Variants in FHOD3 observed in about 807,000 individuals in gnomAD.
FHOD3 encodes the protein formin homology 2 domain containing 3.
In FHOD3, 90 loss-of-function variants were observed where a neutral mutation model predicts 173.0. The ratio of observed to expected loss-of-function variants is 0.52; its 90% CI spans 0.44 to 0.62. FHOD3 has a LOEUF of 0.62. Among genes scored for constraint, FHOD3 ranks in the 20% least tolerant of loss-of-function variants. FHOD3 has a pLI of 0.00. For missense variants in FHOD3, 1,945 were observed against 2,034.7 expected (o/e 0.96, Z 0.85); for synonymous variants, 828 against 823.0 (o/e 1.01, Z -0.10).
chr18:36,592,604 C>G (rs987932578), intron 6 of FHOD3, among the ~76,000 whole-genome samples: 12 of 152,340 alleles, frequency 7.9e-5, no homozygotes, highest in Admixed American at 3.3e-4. Context: ...AGTGTTCACT[C>G]TGGCTGCGGT....
intron 9 of FHOD3, among the ~76,000 whole-genome samples, chr18:36,618,394 C>T (rs1428080385): frequency 2.7e-5 from 4 of 146,498 alleles, no homozygotes; most frequent in African/African-American, 7.7e-5. Context: ...CTCACCACAA[C>T]CTCCGCCTCC....
At chr18:36,479,695 G>C (rs970621187) in intron 3 of FHOD3, among the ~76,000 whole-genome samples, 1 of 152,064 alleles carries the variant, frequency 6.6e-6, no homozygotes, top group Non-Finnish European at 1.5e-5. Flanking sequence ...TGACTATATA[G>C]CGTGAATATA....
At chr18:36,621,359 C>A (rs2033690319) in intron 9 of FHOD3, among the ~76,000 whole-genome samples, 1 of 152,122 alleles carries the variant, frequency 6.6e-6, no homozygotes, top group East Asian at 1.9e-4. Context: ...CAAAACACCC[C>A]AGAACTTAGT....
rs899912542 is a variant in FHOD3, at chr18:36,780,178, G to C, written c.*648G>C. 1.6e-6 allele frequency: 2 copies of C among 1,231,700 alleles called. No individual in the cohort carries two copies. Among genetic ancestry groups the C allele is most frequent in the African/African-American group, 3.1e-5 (2 of 64,396 alleles). 76.3% of individuals were successfully genotyped at this position (1,231,700 alleles called of 1,614,324 possible). A position where few individuals can be genotyped will look rare whatever the true frequency, so the allele number is the denominator to read the frequency against. Reference sequence around the variant, plus strand: ...GCACCCTCGCTTGGAACGGCCTTCAGATCCTTTGGGCTGTATTTTGTTAAT... The same window carrying C: ...GCACCCTCGCTTGGAACGGCCTTCACATCCTTTGGGCTGTATTTTGTTAAT... On this transcript the variant is annotated 3_prime_UTR_variant, in exon 29 of 29. Coordinates refer to ENST00000590592, the MANE Select transcript of FHOD3 (RefSeq NM_001281740.3).
At chr18:36,336,974 AC>A (rs2045350716) in intron 1 of FHOD3, among the ~76,000 whole-genome samples, 1 of 150,656 alleles carries the variant, frequency 6.6e-6, no homozygotes, top group Admixed American at 6.6e-5. Flanking sequence ...GGAGTTTGAG[AC>A]CAGCCTGGCC....
intron 1 of FHOD3, among the ~76,000 whole-genome samples, chr18:36,314,362 T>C (rs1373985194): frequency 1.3e-5 from 2 of 152,170 alleles, no homozygotes; most frequent in Non-Finnish European, 2.9e-5. Flanking sequence ...AGCCATTTTA[T>C]CAATTAGCAA....
chr18:36,740,592 A>T, intron 20 of FHOD3, 64 bp from the exon 21 acceptor site: 1 of 1,378,998 alleles, frequency 7.3e-7, no homozygotes, highest in Non-Finnish European at 1.0e-6. Flanking sequence ...ATTTTATAAC[A>T]TTGAAGGGAC....
At chr18:36,668,419 A>G (rs867379628) in intron 14 of FHOD3, among the ~76,000 whole-genome samples, 1 of 151,790 alleles carries the variant, frequency 6.6e-6, no homozygotes, top group Non-Finnish European at 1.5e-5. Flanking sequence ...CTTCTTTCCA[A>G]TCAGTCTGGC....
intron 15 of FHOD3, among the ~76,000 whole-genome samples, chr18:36,682,008 A>G (rs2038279434): frequency 6.6e-6 from 1 of 152,158 alleles, no homozygotes; most frequent in Non-Finnish European, 1.5e-5. Flanking sequence ...TTTTTTGTAA[A>G]CAATAATCTC....
intron 2 of FHOD3, among the ~76,000 whole-genome samples, chr18:36,356,158 A>G (rs906948071): frequency 2.0e-5 from 3 of 152,224 alleles, no homozygotes; most frequent in Non-Finnish European, 4.4e-5. Context: ...TATTTTAGAT[A>G]TTGTATTCAA....
In FHOD3 at chr18:36,483,629, G is replaced by T. The variant is rs112463907; in HGVS notation, c.338-18303G>T. Among the ~76,000 whole-genome samples the T allele has an allele frequency of 9.3e-3, 1,422 of 152,154 alleles. 12 individuals carry two copies. Among genetic ancestry groups the T allele is most frequent in the Admixed American group, 0.012 (188 of 15,286 alleles). ...TTACCAAGTATTTTCACATGAACAG[G>T]GTAGGTTTTATATTAACCCATTTTT... On this transcript the variant is annotated intron_variant, in intron 3 of 28. Coordinates refer to ENST00000590592, the MANE Select transcript of FHOD3 (RefSeq NM_001281740.3).
intron 1 of FHOD3, among the ~76,000 whole-genome samples, chr18:36,308,710 A>G (rs927526207): frequency 2.0e-5 from 3 of 152,176 alleles, no homozygotes; most frequent in Admixed American, 2.0e-4. Flanking sequence ...AAGCACATTA[A>G]CTTACCTTTC....
chr18:36,441,790 A>C (rs1288083400), intron 3 of FHOD3, among the ~76,000 whole-genome samples: 2 of 152,202 alleles, frequency 1.3e-5, no homozygotes, highest in African/African-American at 2.4e-5. Context: ...CCGTGGAACA[A>C]AATGTACCTC....
intron 3 of FHOD3, among the ~76,000 whole-genome samples, chr18:36,378,472 T>G (rs2047555994): frequency 1.3e-5 from 2 of 151,414 alleles, no homozygotes; most frequent in Admixed American, 6.6e-5. Flanking sequence ...CTGAGGGAGA[T>G]TTCTTAGGCA....
chr18:36,561,644 T>A (rs1444526098), intron 5 of FHOD3, among the ~76,000 whole-genome samples: 3 of 152,212 alleles, frequency 2.0e-5, no homozygotes, highest in Non-Finnish European at 4.4e-5. Flanking sequence ...GCCACCATCA[T>A]CACTATTTAT....
intron 14 of FHOD3, among the ~76,000 whole-genome samples, chr18:36,664,578 G>GGATGT (rs2149256970): frequency 6.6e-6 from 1 of 152,228 alleles, no homozygotes; most frequent in Non-Finnish European, 1.5e-5. Context: ...AGGGAACCTG[G>GGATGT]GCTGTGCTGT....
intron 27 of FHOD3, among the ~76,000 whole-genome samples, chr18:36,768,965 G>C (rs951714551): frequency 1.3e-5 from 2 of 152,150 alleles, no homozygotes; most frequent in Non-Finnish European, 2.9e-5. Context: ...CACCTGGGTT[G>C]GAGAGTTAAA....
chr18:36,737,873 A>G (rs773819790), intron 20 of FHOD3, among the ~76,000 whole-genome samples: 44 of 152,136 alleles, frequency 2.9e-4, no homozygotes, highest in Non-Finnish European at 5.0e-4. Context: ...AGTGCAGTCG[A>G]CTTTTTGGTA....
At chr18:36,678,549 G>A (rs191802539) in intron 14 of FHOD3, among the ~76,000 whole-genome samples, 425 of 111,238 alleles carry the variant, frequency 3.8e-3, no homozygotes, top group Non-Finnish European at 4.8e-3. Flanking sequence ...AAAAAAAAAA[G>A]AAGAAAGAAA....
Sources: allele counts gnomAD v4.1 joint callset (sites outside exome capture counted in the v4.1 genomes callset), GRCh38; gene constraint gnomAD v4.1.1; transcripts MANE v1.5; gene names NCBI Gene and HGNC (gene_info 2026-07-23, HGNC 2026-07-21).